MAPRE2: variants seen among roughly 807,000 people sequenced by gnomAD.
The protein encoded by MAPRE2 is microtubule associated protein RP/EB family member 2.
A neutral mutation model predicts 43.2 loss-of-function variants in MAPRE2; 13 were observed. The ratio of observed to expected loss-of-function variants is 0.30; its 90% CI spans 0.20 to 0.48. The LOEUF is 0.48. Among genes scored for constraint, MAPRE2 ranks in the 20% least tolerant of loss-of-function variants. The pLI is 0.99. For missense variants in MAPRE2, 161 were observed against 400.2 expected, an observed-to-expected ratio of 0.40 and a Z score of 5.10; for synonymous variants, 135 against 148.8, an observed-to-expected ratio of 0.91 and a Z score of 0.68.
intron 1 of MAPRE2, among the ~76,000 whole-genome samples, chr18:35,042,491 A>AT (rs1293218035): frequency 2.6e-5 from 4 of 152,102 alleles, no homozygotes; most frequent in African/African-American, 9.7e-5. Flanking sequence ...TTACATTAAC[A>AT]TATCTGGCAA....
chr18:34,978,324 C>A (rs1195136758), intron 1 of MAPRE2: 2 of 650,510 alleles, frequency 3.1e-6, no homozygotes, highest in African/African-American at 1.9e-5. Flanking sequence ...CGCTCAAACC[C>A]GCGCCCGCGC....
At chr18:35,005,573 C>A (rs759101317) in intron 2 of MAPRE2, 90 of 1,446,382 alleles carry the variant, frequency 6.2e-5, no homozygotes, top group African/African-American at 2.8e-5. Context: ...ATATAAATTA[C>A]GTTGCATGAC....
chr18:35,099,274 A>G (rs1265232756), intron 3 of MAPRE2, among the ~76,000 whole-genome samples: 1 of 152,254 alleles, frequency 6.6e-6, no homozygotes, highest in East Asian at 1.9e-4. Flanking sequence ...AGCATAAACA[A>G]AAATTTTAAA....
At chr18:35,091,085 A>G (rs1173941583) in intron 2 of MAPRE2, among the ~76,000 whole-genome samples, 2 of 152,234 alleles carry the variant, frequency 1.3e-5, no homozygotes, top group East Asian at 3.9e-4. Flanking sequence ...ATGGAAAGCC[A>G]TGCCATGTTT....
intron 4 of MAPRE2, among the ~76,000 whole-genome samples, chr18:35,103,488 AT>A (rs1908770229): frequency 6.6e-6 from 1 of 152,108 alleles, no homozygotes; most frequent in South Asian, 2.1e-4. Context: ...CTTTTGTGAC[AT>A]TTAAGAGAAG....
intron 1 of MAPRE2, among the ~76,000 whole-genome samples, chr18:35,000,814 G>A (rs113174125): frequency 6.6e-6 from 1 of 152,176 alleles, no homozygotes; most frequent in Non-Finnish European, 1.5e-5. Flanking sequence ...TTCCAAACGC[G>A]AAGGGGGATT....
intron 1 of MAPRE2, among the ~76,000 whole-genome samples, chr18:35,058,390 A>G (rs904608051): frequency 1.3e-5 from 2 of 152,228 alleles, no homozygotes; most frequent in Non-Finnish European, 2.9e-5. Flanking sequence ...TAAGAGTAGA[A>G]TACTGAGAGG....
At chr18:34,978,280 C>T (rs915920118) in intron 1 of MAPRE2, 27 of 584,216 alleles carry the variant, frequency 4.6e-5, no homozygotes, top group South Asian at 4.6e-4. Flanking sequence ...ACTAAAAATA[C>T]TATCGTGCTG....
In MAPRE2 at chr18:35,140,288, C is replaced by T. The variant is rs1361818340; in HGVS notation, c.910-7C>T. Reference sequence around the variant, plus strand: ...TATCTCAGCTGAAACTTCTCCCCTGCCCACAGGAGGGCCACACAGAAGAGC... The same window carrying T: ...TATCTCAGCTGAAACTTCTCCCCTGTCCACAGGAGGGCCACACAGAAGAGC... On this transcript the variant is annotated splice_polypyrimidine_tract_variant and splice_region_variant and intron_variant, in intron 6 of 6. Coordinates refer to ENST00000300249, the MANE Select transcript of MAPRE2 (RefSeq NM_014268.4). 6.2e-7 allele frequency: 1 copy of T among 1,612,852 alleles called. No homozygotes were observed. The highest frequency in any genetic ancestry group is 8.5e-7 in the Non-Finnish European group (1 of 1,179,460).
At position 35,118,110 on chromosome 18, in the gene MAPRE2, A is replaced by G. The variant is rs547897119; in HGVS notation, c.611-8838A>G. 3.3e-5 allele frequency among the ~76,000 whole-genome samples: 5 copies of G among 152,292 alleles called. No homozygotes were observed. The East Asian group carries it at 9.7e-4, about 30-fold the overall frequency. On this transcript the variant is annotated intron_variant, in intron 4 of 6. Transcript: ENST00000300249. ...AGGCTCACACTCACTGGACATGCTC[A>G]GGAGAGTCAGGCCCTCTGTCCTTGG...
chr18:35,020,367 T>C (rs1251183850), intron 2 of MAPRE2, among the ~76,000 whole-genome samples: 2 of 152,164 alleles, frequency 1.3e-5, no homozygotes, highest in Non-Finnish European at 2.9e-5. Flanking sequence ...ATGCTTTATA[T>C]TTGGTTGGTA....
intron 2 of MAPRE2, among the ~76,000 whole-genome samples, chr18:35,091,041 C>T (rs1040136295): frequency 1.3e-5 from 2 of 152,044 alleles, no homozygotes; most frequent in African/African-American, 4.8e-5. Context: ...ACATATAAAA[C>T]ATTGATGAAA....
chr18:35,011,799 G>C (rs192774515), intron 2 of MAPRE2, among the ~76,000 whole-genome samples: 1 of 152,300 alleles, frequency 6.6e-6, no homozygotes, highest in East Asian at 1.9e-4. Context: ...GGGGAAGGAA[G>C]ACGTCAAGGA....
At chr18:35,092,988 G>A (rs1908225180) in intron 2 of MAPRE2, among the ~76,000 whole-genome samples, 1 of 152,106 alleles carries the variant, frequency 6.6e-6, no homozygotes, top group South Asian at 2.1e-4. Context: ...GAGGTGGGCA[G>A]ATCACTTGAG....
intron 3 of MAPRE2, among the ~76,000 whole-genome samples, chr18:35,101,091 A>G (rs558479315): frequency 6.6e-6 from 1 of 152,328 alleles, no homozygotes; most frequent in Non-Finnish European, 1.5e-5. Context: ...ATAGCACAAC[A>G]TTCCAGGCGT....
At chr18:35,091,677 T>C (rs1488078546) in intron 2 of MAPRE2, among the ~76,000 whole-genome samples, 1 of 152,098 alleles carries the variant, frequency 6.6e-6, no homozygotes, top group African/African-American at 2.4e-5. Flanking sequence ...TGACTCCACT[T>C]TGCCTCCTTG....
At chr18:35,111,076 T>G (rs1188141672) in intron 4 of MAPRE2, among the ~76,000 whole-genome samples, 1 of 152,132 alleles carries the variant, frequency 6.6e-6, no homozygotes, top group Non-Finnish European at 1.5e-5. Context: ...TTTATCCATA[T>G]GTTAGAGCTT....
chr18:35,121,152 A>G (rs540830053), intron 4 of MAPRE2, among the ~76,000 whole-genome samples: 2 of 152,366 alleles, frequency 1.3e-5, no homozygotes, highest in Non-Finnish European at 2.9e-5. Flanking sequence ...AGCCAAGTCC[A>G]GTGCTTTGAT....
rs73949046 is a variant in MAPRE2, at chr18:35,002,876, T to A, written c.-69-2616T>A. Among the ~76,000 whole-genome samples, 976 of 152,330 alleles carry A rather than the reference T, an allele frequency of 6.4e-3. 13 individuals are homozygous for A. Among genetic ancestry groups the A allele is most frequent in the African/African-American group, 0.022 (935 of 41,568 alleles). ...ATCTTGTATTTACATCTGCTTCACA[T>A]GGGCAAAAGTTTTTAATTTTGATGA... On this transcript the variant is annotated intron_variant, in intron 1 of 7. Transcript: ENST00000413393.
Sources: gnomAD v4.1 joint callset for allele counts (sites outside exome capture counted in the v4.1 genomes callset) on GRCh38, gnomAD v4.1.1 for gene constraint, MANE v1.5 for transcripts, NCBI Gene and HGNC (gene_info 2026-07-23, HGNC 2026-07-21) for gene names.